Variants in PPM1H observed in about 807,000 individuals in gnomAD.
PPM1H encodes the protein protein phosphatase 1H.
PPM1H carries 27 observed loss-of-function variants against 54.9 expected under a neutral mutation model. The observed-to-expected ratio is 0.49, with a 90% CI of 0.36 to 0.68. The LOEUF is 0.68. Ranked by LOEUF, PPM1H falls within the 30% of genes least tolerant of loss-of-function variation. PPM1H has a pLI of 0.00. For missense variants in PPM1H, 596 were observed against 667.8 expected, an observed-to-expected ratio of 0.89 and a Z score of 1.19; for synonymous variants, 305 against 270.8, an observed-to-expected ratio of 1.13 and a Z score of -1.24.
rs61003358 is a variant in PPM1H, at chr12:62,932,628, C to CTTTTTTTTTTTTTTTTTTTTTTTTTTTT, written c.245+1863_245+1864insAAAAAAAAAAAAAAAAAAAAAAAAAAAA. On this transcript the variant is annotated intron_variant, in intron 1 of 9. Coordinates refer to ENST00000228705, the MANE Select transcript of PPM1H (RefSeq NM_020700.2). ...CTGTCTCGTAAAGGGTCCAAATGGG[C>CTTTTTTTTTTTTTTTTTTTTTTTTTTTT]TTTTTTTTTTTTTTTTTTTTTTTGA... Among the ~76,000 whole-genome samples, 3 of 54,006 alleles carry CTTTTTTTTTTTTTTTTTTTTTTTTTTTT rather than the reference C, an allele frequency of 5.6e-5. 1 individual carries two copies. The highest frequency in any genetic ancestry group is 7.0e-4 in the Admixed American group (2 of 2,852). 35.4% of individuals were successfully genotyped at this position (54,006 alleles called of 152,430 possible).
chr12:62,725,276 C>T (rs1189122031), intron 5 of PPM1H, among the ~76,000 whole-genome samples: 1 of 152,204 alleles, frequency 6.6e-6, no homozygotes, highest in Non-Finnish European at 1.5e-5. Context: ...GGACTCAGGA[C>T]ATTCTACCCC....
chr12:62,711,138 C>T (rs535089004), intron 6 of PPM1H, among the ~76,000 whole-genome samples: 165 of 152,260 alleles, frequency 1.1e-3, no homozygotes, highest in Admixed American at 4.9e-3. Flanking sequence ...ACTATAGGCA[C>T]GTGCCAACAC....
At chr12:62,769,730 T>A (rs1372921477) in intron 4 of PPM1H, among the ~76,000 whole-genome samples, 4 of 152,220 alleles carry the variant, frequency 2.6e-5, no homozygotes, top group African/African-American at 9.7e-5. Context: ...AAAGTTCATT[T>A]TGCCAACTTA....
intron 9 of PPM1H, among the ~76,000 whole-genome samples, chr12:62,664,874 C>T (rs1282154046): frequency 6.6e-6 from 1 of 151,766 alleles, no homozygotes; most frequent in East Asian, 1.9e-4. Context: ...TTTGCTACAT[C>T]TAAAATTCCT....
intron 9 of PPM1H, 60 bp from the exon 10 acceptor site, chr12:62,648,696 A>C: frequency 6.4e-7 from 1 of 1,561,534 alleles, no homozygotes; most frequent in Non-Finnish European, 8.8e-7. Flanking sequence ...GCCAGGGTCA[A>C]GTGAGGCTGG....
chr12:62,802,086 C>G lies in PPM1H; in HGVS notation c.486G>C (p.Ala162=). The change falls in exon 3 of 10, where the codon GCG becomes GCC. Residue 162 remains alanine (A), a synonymous_variant. Transcript: ENST00000228705. ...TGATGTGGTGCTGCAGCAGGCGTGACGCCACCACCGCGGCCCCGGACCCCG... is the reference window on the plus strand; with the variant it reads ...TGATGTGGTGCTGCAGCAGGCGTGAGGCCACCACCGCGGCCCCGGACCCCG... ...GHAGSGAAVV[A]SRLLQHHITE... The G allele has an allele frequency of 1.2e-6, 2 of 1,611,026 alleles. No individual in the cohort carries two copies. Among genetic ancestry groups the G allele is most frequent in the Non-Finnish European group, 1.7e-6 (2 of 1,178,568 alleles).
intron 1 of PPM1H, among the ~76,000 whole-genome samples, chr12:62,876,484 C>T (rs939842618): frequency 6.6e-6 from 1 of 152,156 alleles, no homozygotes; most frequent in African/African-American, 2.4e-5. Context: ...GAAAAACTAA[C>T]CTATGAAGGC....
intron 1 of PPM1H, chr12:62,850,785 C>T (rs1331018331): frequency 6.6e-6 from 1 of 151,280 alleles, no homozygotes; most frequent in Non-Finnish European, 1.5e-5. Flanking sequence ...ATCATGCAGT[C>T]GAGTTTCGCA....
At chr12:62,876,470 T>A (rs760869447) in intron 1 of PPM1H, among the ~76,000 whole-genome samples, 25 of 151,892 alleles carry the variant, frequency 1.6e-4, no homozygotes, top group Admixed American at 2.0e-4. Flanking sequence ...ATAAAAGGAG[T>A]AGAGAAAAAC....
chr12:62,878,761 GAAACCCCAT>G (rs1013952478), intron 1 of PPM1H, among the ~76,000 whole-genome samples: 2 of 150,976 alleles, frequency 1.3e-5, no homozygotes, highest in Non-Finnish European at 2.9e-5. Context: ...CCAACATGGC[GAAACCCCAT>G]CTCTACTAAA....
chr12:62,793,919 G>C (rs1389873338), intron 3 of PPM1H, among the ~76,000 whole-genome samples: 1 of 152,136 alleles, frequency 6.6e-6, no homozygotes, highest in Non-Finnish European at 1.5e-5. Flanking sequence ...GGTTGCAAAA[G>C]GAAAGCAATA....
intron 8 of PPM1H, among the ~76,000 whole-genome samples, chr12:62,683,131 A>C (rs2136630540): frequency 6.8e-6 from 1 of 147,356 alleles, no homozygotes; most frequent in East Asian, 2.0e-4. Context: ...GTTGGTCTTG[A>C]ACTCCTGGGT....
At chr12:62,767,128 G>A (rs774161) in intron 4 of PPM1H, among the ~76,000 whole-genome samples, 126,253 of 152,104 alleles carry the variant, frequency 0.83, 52,984 homozygotes, top group African/African-American at 0.96. Context: ...GAGGGGAGAG[G>A]TGACTGGAGG....
intron 8 of PPM1H, among the ~76,000 whole-genome samples, chr12:62,668,958 T>G (rs906573038): frequency 3.3e-5 from 5 of 152,144 alleles, no homozygotes; most frequent in Non-Finnish European, 7.4e-5. Flanking sequence ...CCTGGGTGAA[T>G]GAGCTCAAAT....
intron 1 of PPM1H, among the ~76,000 whole-genome samples, chr12:62,852,456 G>A (rs949693719): frequency 3.3e-5 from 5 of 152,026 alleles, no homozygotes; most frequent in East Asian, 1.9e-4. Flanking sequence ...TCCAGCCTCC[G>A]GAACTGTGAA....
chr12:62,745,277 G>A (rs767543950), intron 4 of PPM1H, among the ~76,000 whole-genome samples: 2 of 151,710 alleles, frequency 1.3e-5, no homozygotes, highest in Admixed American at 6.6e-5. Flanking sequence ...GCCTAGGCTC[G>A]TCGCGAATGC....
At chr12:62,689,622 T>G in intron 8 of PPM1H, 77 bp downstream of exon 8, 2 of 1,040,084 alleles carry the variant, frequency 1.9e-6, no homozygotes, top group South Asian at 2.9e-5. Context: ...TGTCTGGATA[T>G]GGGGTGTGAG....
At chr12:62,914,481 T>A (rs1310676098) in intron 1 of PPM1H, among the ~76,000 whole-genome samples, 1 of 152,206 alleles carries the variant, frequency 6.6e-6, no homozygotes, top group African/African-American at 2.4e-5. Context: ...GAAGGGGTGA[T>A]GCAGCCTGGA....
chr12:62,701,680 G>GTT (rs59870131), intron 6 of PPM1H, among the ~76,000 whole-genome samples: 17 of 143,586 alleles, frequency 1.2e-4, no homozygotes, highest in Admixed American at 4.2e-4. Context: ...TTGTTTGTTT[G>GTT]TTTTTTTTTT....
Sources: gnomAD v4.1 joint callset for allele counts (sites outside exome capture counted in the v4.1 genomes callset) on GRCh38, gnomAD v4.1.1 for gene constraint, MANE v1.5 for transcripts, NCBI Gene and HGNC (gene_info 2026-07-23, HGNC 2026-07-21) for gene names.